PRMT8: variants seen among roughly 807,000 people sequenced by gnomAD.
The protein encoded by PRMT8 is protein arginine methyltransferase 8, also known as protein arginine N-methyltransferase 8.
In PRMT8, 7 loss-of-function variants were observed where a neutral mutation model predicts 47.1. The ratio of observed to expected loss-of-function variants is 0.15; its 90% confidence interval spans 0.08 to 0.28. The LOEUF (loss-of-function observed/expected upper bound fraction) is 0.28. Among genes scored for constraint, PRMT8 ranks in the 10% least tolerant of loss-of-function variants. The probability of loss-of-function intolerance (pLI) is 1.00; values close to 1 mark genes in which losing one functional copy is unlikely to be tolerated. For synonymous variants in PRMT8, 188 were observed against 186.5 expected (o/e 1.01, Z -0.07); for missense variants, 237 against 505.4 (o/e 0.47, Z 5.09).
At chr12:3,553,550 C>T (rs1866466272) in intron 3 of PRMT8, 101 bp from the exon 4 acceptor site, 1 of 1,022,468 alleles carries the variant, frequency 9.8e-7, no homozygotes, top group Non-Finnish European at 1.5e-6. Context: ...GGGCAAGTCA[C>T]CACCCCTGTC....
chr12:3,556,860 G>A (rs1023867970), intron 4 of PRMT8, among the ~76,000 whole-genome samples: 1 of 152,020 alleles, frequency 6.6e-6, no homozygotes, highest in Non-Finnish European at 1.5e-5. Flanking sequence ...CACAGGTGGA[G>A]GGGTGGTCTT....
At position 3,564,182 on chromosome 12, in the gene PRMT8, T is replaced by C. The variant is rs888163211; in HGVS notation, c.482-4524T>C. 6.6e-6 allele frequency among the ~76,000 whole-genome samples: 1 copy of C among 152,104 alleles called. No individual in the cohort carries two copies. The highest frequency in any genetic ancestry group is 6.5e-5 in the Admixed American group (1 of 15,270). ...AGTGGGGAGGGCGAGCGAAGGGCTT[T>C]GCTGCAGTGGGGTTGGCAGGGGGGT... On this transcript the variant is annotated intron_variant, in intron 4 of 9. Coordinates refer to ENST00000382622, the MANE Select transcript of PRMT8 (RefSeq NM_019854.5). This position sits in a 1 kb window ranked among gnomAD's most constrained non-coding sequence, Gnocchi z 4.0.
intron 1 of PRMT8, among the ~76,000 whole-genome samples, chr12:3,539,074 CCT>C (rs929824855): frequency 6.6e-5 from 10 of 152,160 alleles, no homozygotes; most frequent in African/African-American, 1.7e-4. Context: ...CTAGGATTCC[CCT>C]GTTTCTCTTG....
rs1315699858 is a variant in PRMT8 at position 3,436,159 on chromosome 12, A to C, written c.48+54717A>C. Among the ~76,000 whole-genome samples the C allele has an allele frequency of 1.3e-5, 2 of 152,222 alleles. No homozygotes were observed. The highest frequency in any genetic ancestry group is 2.9e-5 in the Non-Finnish European group (2 of 68,046). ...GGCCCTGCTTACCTGCTTATAAAAA[A>C]GTCAAGTCGTCCCCTCCCGTTTGTG... On this transcript the variant is annotated intron_variant, in intron 1 of 9. Coordinates refer to the PRMT8 transcript ENST00000452611. The surrounding 1 kb of genome is among the most constrained non-coding windows in gnomAD (Gnocchi z 4.2).
intron 1 of PRMT8, among the ~76,000 whole-genome samples, chr12:3,442,471 C>T (rs1048050774): frequency 9.9e-5 from 15 of 152,182 alleles, no homozygotes; most frequent in Admixed American, 9.8e-4. Flanking sequence ...CTTTCCTGAT[C>T]TGTCACCCCA....
At chr12:3,584,895 G>C (rs1386143138) in intron 8 of PRMT8, among the ~76,000 whole-genome samples, 1 of 152,050 alleles carries the variant, frequency 6.6e-6, no homozygotes, top group Non-Finnish European at 1.5e-5. Flanking sequence ...ACTTAGGTTG[G>C]ATCCTACCCT....
chr12:3,589,228 G>C (rs1296316168), intron 8 of PRMT8, among the ~76,000 whole-genome samples: 2 of 152,166 alleles, frequency 1.3e-5, no homozygotes, highest in Non-Finnish European at 2.9e-5. Context: ...ATTATGCCAG[G>C]AAAACAGATG....
intron 1 of PRMT8, among the ~76,000 whole-genome samples, chr12:3,507,984 G>A (rs756652768): frequency 1.3e-5 from 2 of 152,026 alleles, no homozygotes; most frequent in Admixed American, 6.5e-5. Context: ...TATGGTGTAG[G>A]GGAGAGTATA....
chr12:3,575,839 C>T (rs1362140153), intron 6 of PRMT8, among the ~76,000 whole-genome samples: 2 of 152,002 alleles, frequency 1.3e-5, no homozygotes, highest in East Asian at 1.9e-4. Flanking sequence ...GCCAACATGG[C>T]GAAACCCCAT....
intron 9 of PRMT8, among the ~76,000 whole-genome samples, 188 bp from the exon 10 acceptor site, chr12:3,592,911 C>T (rs1005355023): frequency 2.0e-5 from 3 of 152,198 alleles, no homozygotes; most frequent in African/African-American, 7.2e-5. Flanking sequence ...GGAAGAACTT[C>T]CTGTGAGGAC....
At chr12:3,549,557 T>A (rs1410314143) in intron 2 of PRMT8, among the ~76,000 whole-genome samples, 1 of 152,102 alleles carries the variant, frequency 6.6e-6, no homozygotes, top group African/African-American at 2.4e-5. Flanking sequence ...AAAACCTCTT[T>A]GAATGACGTG....
intron 4 of PRMT8, among the ~76,000 whole-genome samples, chr12:3,565,398 G>A (rs1461617909): frequency 6.6e-6 from 1 of 152,146 alleles, no homozygotes; most frequent in Non-Finnish European, 1.5e-5. Context: ...CAAAAGCACC[G>A]GAGAAAGGGG....
At chr12:3,469,167 C>A in intron 1 of PRMT8, 1 of 491,370 alleles carries the variant, frequency 2.0e-6, no homozygotes, top group Non-Finnish European at 4.0e-6. Flanking sequence ...AAGCTATATT[C>A]CTGTGTGAGT....
At chr12:3,494,829 C>A (rs958317249) in intron 1 of PRMT8, among the ~76,000 whole-genome samples, 1 of 152,154 alleles carries the variant, frequency 6.6e-6, no homozygotes, top group Non-Finnish European at 1.5e-5. Context: ...ACCGCTCTGA[C>A]CTCAGTTCCC....
intron 3 of PRMT8, chr12:3,553,059 T>C (rs1866453373): frequency 4.6e-6 from 1 of 216,452 alleles, no homozygotes; most frequent in Non-Finnish European, 9.5e-6. Flanking sequence ...GCTTAGGAGG[T>C]CTGGAGAGCC....
chr12:3,425,348 A>G, intron 1 of PRMT8, among the ~76,000 whole-genome samples: 1 of 152,262 alleles, frequency 6.6e-6, no homozygotes. Context: ...CAAGGCCCTC[A>G]AACATGGGGG....
At chr12:3,400,375 A>T (rs1316345789) in intron 1 of PRMT8, among the ~76,000 whole-genome samples, 1 of 152,094 alleles carries the variant, frequency 6.6e-6, no homozygotes, top group Non-Finnish European at 1.5e-5. Context: ...CAGAAAATAT[A>T]AATACCTCTA....
In PRMT8 at chr12:3,580,737, A is replaced by G. The variant is rs141350027; in HGVS notation, c.829-2321A>G. Among the ~76,000 whole-genome samples the G allele has an allele frequency of 7.4e-3, 1,133 of 152,288 alleles. 18 individuals carry two copies. The highest frequency in any genetic ancestry group is 0.025 in the African/African-American group (1,038 of 41,536). On this transcript the variant is annotated intron_variant, in intron 7 of 9. Transcript: ENST00000382622. This position sits in a 1 kb window ranked among gnomAD's most constrained non-coding sequence, Gnocchi z 4.6. ...GCTACACTGGTGACGGAGGGAACCA[A>G]GAAAGAAAGATACCAGGGACCTTGG...
chr12:3,441,839 G>T (rs1417181388), intron 1 of PRMT8, among the ~76,000 whole-genome samples: 2 of 152,188 alleles, frequency 1.3e-5, no homozygotes, highest in Non-Finnish European at 2.9e-5. Flanking sequence ...CCTAAAAATT[G>T]TTTGAAAAGT....
Sources: gnomAD v4.1 joint callset for allele counts (sites outside exome capture counted in the v4.1 genomes callset) on GRCh38, gnomAD v4.1.1 for gene constraint, Gnocchi (gnomAD v3.1) non-coding constraint, MANE v1.5 for transcripts, NCBI Gene and HGNC (gene_info 2026-07-23, HGNC 2026-07-21) for gene names.